Variants in SYNE2 observed in about 807,000 individuals in gnomAD.
SYNE2 encodes spectrin repeat containing nuclear envelope protein 2.
SYNE2 carries 431 observed loss-of-function variants against 856.3 expected under a neutral mutation model. The observed-to-expected ratio is 0.50, with a 90% CI of 0.47 to 0.55. The LOEUF is 0.55. Ranked by LOEUF, SYNE2 falls within the 20% of genes least tolerant of loss-of-function variation. SYNE2 has a pLI of 0.00. For missense variants in SYNE2, 8,129 were observed against 8,023.2 expected, an observed-to-expected ratio of 1.01 and a Z score of -0.50; for synonymous variants, 2,923 against 2,872.3, an observed-to-expected ratio of 1.02 and a Z score of -0.56.
Position 64,052,560 on chromosome 14 carries a change from G to A in SYNE2, c.8647G>A (p.Glu2883Lys). 1.9e-6 allele frequency: 3 copies of A among 1,614,142 alleles called. No homozygotes were observed. Among genetic ancestry groups the A allele is most frequent in the Non-Finnish European group, 2.5e-6 (3 of 1,180,034 alleles). Residue 2883 changes from glutamate (E) to lysine (K), a missense_variant, in exon 48 of 116, where the codon GAA (glutamate) becomes AAA (lysine). Around this residue, in one of 3 missense-constraint regions of SYNE2, gnomAD observed 5,410 missense variants for 5,284.8 expected, o/e 1.02. Coordinates refer to ENST00000555002, the MANE Select transcript of SYNE2 (RefSeq NM_182914.3). Reference protein sequence around the residue: ...HHVTLEASQKELQEIDSGIST... With the variant: ...HHVTLEASQKKLQEIDSGIST... Reference sequence around the variant, plus strand: ...TGTTACTTTGGAGGCATCTCAGAAGGAATTGCAAGAAATTGACAGTGGAAT... The same window carrying A: ...TGTTACTTTGGAGGCATCTCAGAAGAAATTGCAAGAAATTGACAGTGGAAT...
intron 45 of SYNE2, among the ~76,000 whole-genome samples, chr14:64,032,020 T>G (rs28607037): frequency 0.75 from 114,098 of 152,166 alleles, 45,180 homozygotes; most frequent in Non-Finnish European, 0.88. Context: ...ACGCAGCTTC[T>G]CACAGTCAGG....
intron 107 of SYNE2, 67 bp from the exon 108 acceptor site, chr14:64,216,181 A>T (rs545240383): frequency 6.2e-7 from 1 of 1,609,692 alleles, no homozygotes; most frequent in Non-Finnish European, 8.5e-7. Context: ...CTGTAACCTG[A>T]TGCCATGTCA....
chr14:64,129,981 AT>A, intron 75 of SYNE2, 66 bp from the exon 76 acceptor site: 1 of 1,613,458 alleles, frequency 6.2e-7, no homozygotes, highest in Non-Finnish European at 8.5e-7. Context: ...CAGAGTTTAG[AT>A]TTGTCTTTCA....
intron 10 of SYNE2, among the ~76,000 whole-genome samples, chr14:63,966,531 G>GA (rs1010659497): frequency 1.2e-4 from 17 of 145,500 alleles, no homozygotes; most frequent in South Asian, 2.2e-4. Context: ...TCCAAAAAAA[G>GA]AAAAAAAAAA....
chr14:63,883,862 AT>A (rs34392423), intron 1 of SYNE2, among the ~76,000 whole-genome samples: 26,532 of 130,352 alleles, frequency 0.2, 3,165 homozygotes, highest in African/African-American at 0.4. Flanking sequence ...AAGCTGGTGA[AT>A]TTTTTTTTTT....
intron 33 of SYNE2, 94 bp downstream of exon 33, chr14:64,016,725 C>A: frequency 1.1e-6 from 1 of 878,692 alleles, no homozygotes. Flanking sequence ...TTCAAAAATA[C>A]TCATTGTAAA....
At chr14:63,853,340 C>T (rs968105661) in intron 1 of SYNE2, among the ~76,000 whole-genome samples, 197 bp downstream of exon 1, 1 of 151,578 alleles carries the variant, frequency 6.6e-6, no homozygotes, top group Non-Finnish European at 1.5e-5. Flanking sequence ...GCGGGGTGCG[C>T]GGAGGGCGCC....
Position 64,224,419 on chromosome 14 carries a change from G to A in SYNE2, c.20383-42G>A, listed in dbSNP as rs761949283. Reference sequence around the variant, plus strand: ...GAGCTATATCATGAAGAATATGCATGAAACACATTTCTGTGCTCAACCTTT... The same window carrying A: ...GAGCTATATCATGAAGAATATGCATAAAACACATTTCTGTGCTCAACCTTT... On this transcript the variant is annotated intron_variant, in intron 113 of 115. Coordinates refer to ENST00000555002, the MANE Select transcript of SYNE2 (RefSeq NM_182914.3). 1.1e-5 allele frequency: 18 copies of A among 1,581,270 alleles called. No individual in the cohort carries two copies. In the South Asian group the frequency reaches 1.4e-4, roughly 13 times the overall value.
rs563514918 is a variant in SYNE2 at position 64,190,850 on chromosome 14, A to G, written c.18038+613A>G. ...TATCAGAAATAGCGCTGATAATTTT[A>G]TCTCTCCTCCCAAAATGATGATGAT... On this transcript the variant is annotated intron_variant, in intron 99 of 115. Transcript: ENST00000555002. 161 of 691,520 alleles carry G rather than the reference A, an allele frequency of 2.3e-4. 1 individual carries two copies. The African/African-American group carries it at 2.7e-3, about 12-fold the overall frequency. The allele number at this position is 691,520 out of a possible 1,614,324, so 42.8% of individuals were successfully genotyped here. A position where few individuals can be genotyped will look rare whatever the true frequency, so the allele number is the denominator to read the frequency against.
intron 1 of SYNE2, among the ~76,000 whole-genome samples, chr14:63,805,633 C>T (rs2139810509): frequency 1.1e-5 from 1 of 89,208 alleles, no homozygotes; most frequent in Middle Eastern, 5.3e-3. Context: ...CCTCGGCCTT[C>T]CAAAGTGCTG....
chr14:64,137,073 T>G (rs969097221), intron 78 of SYNE2, among the ~76,000 whole-genome samples: 1 of 152,214 alleles, frequency 6.6e-6, no homozygotes, highest in African/African-American at 2.4e-5. Context: ...ATTTCCTGAT[T>G]TTTCAAACTG....
chr14:63,786,572 A>AAACTGAAACC (rs1424479975), intron 1 of SYNE2, among the ~76,000 whole-genome samples: 1 of 152,196 alleles, frequency 6.6e-6, no homozygotes, highest in Non-Finnish European at 1.5e-5. Flanking sequence ...TCAGTTTTGT[A>AAACTGAAACC]AACTATCTGT....
At chr14:64,167,780 A>G (rs1476334897) in intron 92 of SYNE2, 141 bp downstream of exon 92, 27 of 1,138,256 alleles carry the variant, frequency 2.4e-5, no homozygotes, top group East Asian at 7.6e-5. Context: ...TCAGTTGTCA[A>G]TTGGTCATTT....
At chr14:64,172,130 C>T (rs1322737971) in intron 94 of SYNE2, among the ~76,000 whole-genome samples, 1 of 152,186 alleles carries the variant, frequency 6.6e-6, no homozygotes, top group Non-Finnish European at 1.5e-5. Flanking sequence ...GGATTACAGG[C>T]GTGAGCCACT....
In SYNE2 at chr14:64,141,334, C is replaced by G. The variant is rs775910203; in HGVS notation, c.14977-7C>G. 1 of 1,611,696 alleles carries G rather than the reference C, an allele frequency of 6.2e-7. No individual in the cohort carries two copies. ...TTAAGTTTCTAAATTTTAAAACTCTCCTTTAGGAGTTTTCAAAAGAAGTTG... is the reference window on the plus strand; with the variant it reads ...TTAAGTTTCTAAATTTTAAAACTCTGCTTTAGGAGTTTTCAAAAGAAGTTG... On this transcript the variant is annotated splice_region_variant and splice_polypyrimidine_tract_variant and intron_variant, in intron 80 of 115. Coordinates refer to ENST00000555002, the MANE Select transcript of SYNE2 (RefSeq NM_182914.3).
chr14:63,832,613 C>G lies in SYNE2; in HGVS notation c.-304-19888C>G, dbSNP rs370604145. Among the ~76,000 whole-genome samples the G allele has an allele frequency of 3.7e-4, 56 of 152,168 alleles. No homozygotes were observed. In the East Asian group the frequency reaches 0.01, roughly 28 times the overall value. On this transcript the variant is annotated intron_variant, in intron 1 of 23. Transcript: ENST00000674003. ...GCATGATTTGGTGGATTCTCTACCTCTCTGTTTTACAGTGTTTATTGTCAT... is the reference window on the plus strand; with the variant it reads ...GCATGATTTGGTGGATTCTCTACCTGTCTGTTTTACAGTGTTTATTGTCAT...
At chr14:63,996,145 C>A (rs950954018) in intron 23 of SYNE2, among the ~76,000 whole-genome samples, 2 of 152,156 alleles carry the variant, frequency 1.3e-5, no homozygotes, top group Non-Finnish European at 2.9e-5. Context: ...TTATATTCTG[C>A]CTACTGGTAA....
intron 47 of SYNE2, among the ~76,000 whole-genome samples, chr14:64,050,979 C>G (rs1250908219): frequency 6.6e-6 from 1 of 151,570 alleles, no homozygotes; most frequent in East Asian, 1.9e-4. Flanking sequence ...TGAGATCACA[C>G]CACTGCATTC....
At position 64,225,612 on chromosome 14, in the gene SYNE2, A is replaced by G. The variant is rs762838078; in HGVS notation, c.*86A>G. 3.2e-5 allele frequency: 45 copies of G among 1,422,286 alleles called. No individual in the cohort carries two copies. The highest frequency in any genetic ancestry group is 2.2e-4 in the East Asian group (9 of 41,488). The allele number at this position is 1,422,286 out of a possible 1,614,324, so 88.1% of individuals were successfully genotyped here. ...GGCCCCAGACCAATCTGAGTGACTT[A>G]GTGTTGGCAAGGTCCCGGGACCTGT... is the stretch of plus-strand genomic sequence containing the variant. On this transcript the variant is annotated 3_prime_UTR_variant, in exon 116 of 116. Transcript: ENST00000555002.
Sources: allele counts gnomAD v4.1 joint callset (sites outside exome capture counted in the v4.1 genomes callset), GRCh38; gene constraint gnomAD v4.1.1; regional missense constraint gnomAD v4.1.1; transcripts MANE v1.5; gene names NCBI Gene and HGNC (gene_info 2026-07-23, HGNC 2026-07-21).